LAMA5: variants seen among roughly 807,000 people sequenced by gnomAD.
LAMA5 encodes laminin subunit alpha-5.
LAMA5 carries 260 observed loss-of-function variants against 433.4 expected under a neutral mutation model. The ratio of observed to expected loss-of-function variants is 0.60; its 90% confidence interval spans 0.54 to 0.66. The LOEUF is 0.66. LAMA5 is among the 30% of genes least tolerant of loss of function. The pLI, the probability that LAMA5 is intolerant of heterozygous loss-of-function variation, is 0.00. For missense variants in LAMA5, 5,378 were observed against 5,258.5 expected (o/e 1.02, Z -0.70); for synonymous variants, 2,620 against 2,226.6 (o/e 1.18, Z -4.97).
intron 50 of LAMA5, among the ~76,000 whole-genome samples, 169 bp from the exon 51 acceptor site, chr20:62,319,964 AATT>A (rs1236339965): frequency 6.6e-6 from 1 of 152,142 alleles, no homozygotes; most frequent in Non-Finnish European, 1.5e-5. Flanking sequence ...AGTTACCTAA[AATT>A]ATTGGTTATA....
In LAMA5 at chr20:62,323,778, C is replaced by T; in HGVS notation, c.5847G>A (p.Glu1949=). Residue 1949 remains glutamate (E), a splice_region_variant and synonymous_variant, in exon 44 of 80, where the codon GAG becomes GAA. Transcript: ENST00000252999. ...CCACTGCCCTAGCCCCAGCTCACCG[C>T]TCGCAGGAGGCACCTGCATAACCAG... ...CKPGYAGASC[E]RCAPGFFGNP... 1.2e-6 allele frequency: 2 copies of T among 1,609,830 alleles called. No homozygotes were observed. The highest frequency in any genetic ancestry group is 1.7e-6 in the Non-Finnish European group (2 of 1,178,360).
rs1043829810 is a variant in LAMA5 at position 62,351,582 on chromosome 20, C to T, written c.956+122G>A. ...TGGTCAGTGCAGGTCACACAGACAG[C>T]AGGGTTGTGGTGGGCCATGGAACCA... is the stretch of plus-strand genomic sequence containing the variant. On this transcript the variant is annotated intron_variant, in intron 6 of 79. Transcript: ENST00000252999. 4 of 859,348 alleles carry T rather than the reference C, an allele frequency of 4.7e-6. No homozygotes were observed. In the Admixed American group the frequency reaches 8.2e-5, roughly 18 times the overall value. The allele number at this position is 859,348 out of a possible 1,614,324, so 53.2% of individuals were successfully genotyped here.
Position 62,334,570 on chromosome 20 carries a change from G to A in LAMA5, c.2534C>T (p.Thr845Met), listed in dbSNP as rs552753405. ...GALGQSCEPRTGVCRCRPNTQ... is the reference protein window; with the variant it reads ...GALGQSCEPRMGVCRCRPNTQ... ...GTTGGGGCGGCACCGGCAGACGCCC[G>A]TCCTCGGTTCACAGCTCTGGCCCAG... The change falls in exon 21 of 80, where the codon ACG becomes ATG. Residue 845 changes from threonine (T) to methionine (M), a missense_variant. Physicochemically the swap from Thr to Met is moderately conservative, Grantham distance 81. Coordinates refer to ENST00000252999, the MANE Select transcript of LAMA5 (RefSeq NM_005560.6). 3.3e-5 allele frequency: 51 copies of A among 1,548,436 alleles called. No homozygotes were observed. Among genetic ancestry groups the A allele is most frequent in the South Asian group, 2.0e-4 (17 of 84,042 alleles).
At position 62,324,417 on chromosome 20, in the gene LAMA5, C is replaced by T. The variant is rs1313013145; in HGVS notation, c.5643+24G>A. 13 of 1,577,210 alleles carry T rather than the reference C, an allele frequency of 8.2e-6. No individual in the cohort carries two copies. In the South Asian group the frequency reaches 1.5e-4, roughly 18 times the overall value. On this transcript the variant is annotated intron_variant, in intron 42 of 79. Coordinates refer to ENST00000252999, the MANE Select transcript of LAMA5 (RefSeq NM_005560.6). This position sits in a 1 kb window ranked among gnomAD's most constrained non-coding sequence, Gnocchi z 4.4. ...TGTGCCTTCAGTGAATGCTGCCCCC[C>T]TGGCCCCACCAGCCCCTACTCACCA... is the stretch of plus-strand genomic sequence containing the variant.
chr20:62,329,744 TG>T, intron 32 of LAMA5, 32 bp downstream of exon 32: 1 of 1,610,360 alleles, frequency 6.2e-7, no homozygotes, highest in Non-Finnish European at 8.5e-7. Context: ...TAAGGACAGC[TG>T]GTCCCTGAGC....
At chr20:62,365,885 C>A (rs989339444) in intron 1 of LAMA5, among the ~76,000 whole-genome samples, 1 of 152,140 alleles carries the variant, frequency 6.6e-6, no homozygotes, top group Non-Finnish European at 1.5e-5. Context: ...TCCCCCTCCA[C>A]CAGGGCCAAG....
At chr20:62,327,111 GC>G in intron 38 of LAMA5, 121 bp downstream of exon 38, 1 of 1,142,558 alleles carries the variant, frequency 8.8e-7, no homozygotes, top group East Asian at 2.6e-5. Flanking sequence ...CAGGGCCTGG[GC>G]ACCCTCACGG....
chr20:62,357,937 T>C (rs1985482625), intron 2 of LAMA5, among the ~76,000 whole-genome samples: 1 of 152,186 alleles, frequency 6.6e-6, no homozygotes, highest in African/African-American at 2.4e-5. Flanking sequence ...GGCCAGATGG[T>C]CAGCCGGGGA....
intron 11 of LAMA5, among the ~76,000 whole-genome samples, chr20:62,342,676 C>A (rs1268938568): frequency 6.6e-6 from 1 of 151,216 alleles, no homozygotes. Flanking sequence ...GAGACTCCGT[C>A]TCAAACAAAA....
chr20:62,338,398 G>C, intron 12 of LAMA5, 29 bp from the exon 13 acceptor site: 1 of 1,607,192 alleles, frequency 6.2e-7, no homozygotes, highest in Non-Finnish European at 8.5e-7. Context: ...CACATGCTTG[G>C]TCAGAGGCAC....
In LAMA5 at chr20:62,313,158, G is replaced by T. The variant is rs1385017755; in HGVS notation, c.8885C>A (p.Thr2962Asn). ...CAGCTCCTGCTCGAAGCGCTTGGTG[G>T]TGCTGATCTGACTGTCGAAGCTGAT... is the stretch of plus-strand genomic sequence containing the variant. ...ARISFDSQIS[T>N]TKRFEQELRL... Residue 2962 changes from threonine to asparagine, a missense_variant, in exon 65 of 80, where the codon ACC (threonine) becomes AAC (asparagine). Physicochemically the swap from Thr to Asn is moderately conservative, Grantham distance 65. Transcript: ENST00000252999. 1.2e-6 allele frequency: 2 copies of T among 1,602,192 alleles called. No individual in the cohort carries two copies.
rs200489063 is a variant in LAMA5, at chr20:62,311,425, T to C, written c.9918A>G (p.Arg3306=). 2 of 1,588,192 alleles carry C rather than the reference T, an allele frequency of 1.3e-6. No individual in the cohort carries two copies. Among genetic ancestry groups the C allele is most frequent in the East Asian group, 2.3e-5 (1 of 43,514 alleles). ...LQAQTPGLGP[R]GLQATARKAS... ...CCTTCCGGGCGGTGGCCTGCAGTCC[T>C]CTAGGCCCCAGGCCCGGGGTCTGGG... The change falls in exon 72 of 80, where the codon AGA becomes AGG. Residue 3306 remains arginine, a synonymous_variant. Coordinates refer to ENST00000252999, the MANE Select transcript of LAMA5 (RefSeq NM_005560.6).
At position 62,352,076 on chromosome 20, in the gene LAMA5, C is replaced by T; in HGVS notation, c.691G>A (p.Val231Met). 5 of 1,611,548 alleles carry T rather than the reference C, an allele frequency of 3.1e-6. No homozygotes were observed. Among genetic ancestry groups the T allele is most frequent in the Non-Finnish European group, 4.2e-6 (5 of 1,179,786 alleles). Reference sequence around the variant, plus strand: ...GGACGTCCGTTCACCAGGGACACCACGATCTGTGGGCAGTATGCGGTGACG... The same window carrying T: ...GGACGTCCGTTCACCAGGGACACCATGATCTGTGGGCAGTATGCGGTGACG... ...RIVPLENGEIVVSLVNGRPGA... is the reference protein window; with the variant it reads ...RIVPLENGEIMVSLVNGRPGA... Residue 231 changes from valine (V) to methionine (M), a missense_variant, in exon 5 of 80, where the codon GTG becomes ATG. By Grantham distance (21) the Val-to-Met change is conservative. Transcript: ENST00000252999.
rs199721398 is a variant in LAMA5, at chr20:62,351,761, C to T, written c.899G>A (p.Cys300Tyr). ...GGCATCCGCGTGGCCGTGGCAGACACAGCGGCCTCCGATGCTGATATCCTT... is the reference window on the plus strand; with the variant it reads ...GGCATCCGCGTGGCCGTGGCAGACATAGCGGCCTCCGATGCTGATATCCTT... Reference protein sequence around the residue: ...SIKDISIGGRCVCHGHADACD... With the variant: ...SIKDISIGGRYVCHGHADACD... The change falls in exon 6 of 80, where the codon TGT becomes TAT. Residue 300 changes from cysteine (C) to tyrosine (Y), a missense_variant. By Grantham distance (194) the Cys-to-Tyr change is radical (BLOSUM62 -2). Coordinates refer to ENST00000252999, the MANE Select transcript of LAMA5 (RefSeq NM_005560.6). 45 of 1,611,560 alleles carry T rather than the reference C, an allele frequency of 2.8e-5. No homozygotes were observed. Among genetic ancestry groups the T allele is most frequent in the Admixed American group, 2.0e-4 (12 of 59,932 alleles).
Position 62,359,107 on chromosome 20 carries a change from C to A in LAMA5, c.450+3293G>T, listed in dbSNP as rs1230711116. On this transcript the variant is annotated intron_variant, in intron 2 of 79. Transcript: ENST00000252999. This position sits in a 1 kb window ranked among gnomAD's most constrained non-coding sequence, Gnocchi z 4.3. ...GGGGACTGGGACAAAGCCGCTACCC[C>A]ACCTGTAGCACCTGCAGCGTGGCCT... 6.6e-6 allele frequency among the ~76,000 whole-genome samples: 1 copy of A among 152,212 alleles called. No homozygotes were observed. Among genetic ancestry groups the A allele is most frequent in the Admixed American group, 6.5e-5 (1 of 15,284 alleles).
chr20:62,333,901 A>C lies in LAMA5; in HGVS notation c.2878T>G (p.Cys960Gly). 1 of 1,589,620 alleles carries C rather than the reference A, an allele frequency of 6.3e-7. No homozygotes were observed. The highest frequency in any genetic ancestry group is 8.6e-7 in the Non-Finnish European group (1 of 1,165,088). Residue 960 changes from cysteine to glycine, a missense_variant and splice_region_variant, in exon 23 of 80, where the codon TGC becomes GGC. By Grantham distance (159) the Cys-to-Gly change is radical. Transcript: ENST00000252999. The stretch of plus-strand genomic sequence containing the variant: ...GCTGTGGCCCAGGGACCCCACTCAC[A>C]GTTGGCGCAGGTGGCCGACCTGCCC... Reference protein sequence around the residue: ...EEGRSATCANCTAQSQPVAFP... With the variant: ...EEGRSATCANGTAQSQPVAFP...
Position 62,310,539 on chromosome 20 carries a change from G to A in LAMA5, c.10480C>T (p.Leu3494=). The change falls in exon 76 of 80, where the codon CTG becomes TTG. Residue 3494 remains leucine, a synonymous_variant. Transcript: ENST00000252999. ...CCCAGGGGCCTCCCGTGCAGCCTCA[G>A]TCTCTTCACACAGCCGCTGAACCCG... ...TVGFSGCVKR[L]RLHGRPLGAP... 6.4e-7 allele frequency: 1 copy of A among 1,553,448 alleles called. No homozygotes were observed. Among genetic ancestry groups the A allele is most frequent in the South Asian group, 1.2e-5 (1 of 80,514 alleles).
At position 62,310,443 on chromosome 20, in the gene LAMA5, C is replaced by G. The variant is rs774635938; in HGVS notation, c.10576G>C (p.Gly3526Arg). 2 of 1,604,262 alleles carry G rather than the reference C, an allele frequency of 1.2e-6. No homozygotes were observed. Among genetic ancestry groups the G allele is most frequent in the East Asian group, 4.5e-5 (2 of 44,880 alleles). ...GPLEAGLFFP[G>R]SGGVITLDLP... is the part of the protein sequence containing the mutation. Reference sequence around the variant, plus strand: ...CCTAAAGTGATAACTCCCCCGCTGCCTGGGAAGAACAGGCCCGCCTCCAGG... The same window carrying G: ...CCTAAAGTGATAACTCCCCCGCTGCGTGGGAAGAACAGGCCCGCCTCCAGG... Residue 3526 changes from glycine (G) to arginine (R), a missense_variant, in exon 76 of 80, where the codon GGC (glycine) becomes CGC (arginine). Physicochemically the swap from Gly to Arg is moderately radical, Grantham distance 125 (BLOSUM62 -2). Transcript: ENST00000252999.
chr20:62,309,523 A>G (rs1326575203), intron 79 of LAMA5, 48 bp from the exon 80 acceptor site: 6 of 1,464,426 alleles, frequency 4.1e-6, no homozygotes, highest in East Asian at 2.5e-5. Context: ...GGGCAGCTAG[A>G]GACCCACAGG....
Sources: allele counts gnomAD v4.1 joint callset (sites outside exome capture counted in the v4.1 genomes callset), GRCh38; gene constraint gnomAD v4.1.1; non-coding constraint Gnocchi (gnomAD v3.1); transcripts MANE v1.5; gene names NCBI Gene and HGNC (gene_info 2026-07-23, HGNC 2026-07-21).